Variants in ERCC6L2 observed in about 807,000 individuals in gnomAD.
ERCC6L2 encodes DNA excision repair protein ERCC-6-like 2.
ERCC6L2 carries 77 observed loss-of-function variants against 132.0 expected under a neutral mutation model. That is an observed-to-expected ratio of 0.58 (90% confidence interval 0.49 to 0.71). ERCC6L2 has a LOEUF of 0.71. ERCC6L2 is among the 30% of genes least tolerant of loss of function. The pLI is 0.00. For missense variants in ERCC6L2, 1,542 were observed against 1,837.6 expected (o/e 0.84, Z 2.94); for synonymous variants, 583 against 632.4 (o/e 0.92, Z 1.17).
At chr9:95,927,965 T>G in intron 9 of ERCC6L2, 114 bp from the exon 10 acceptor site, 6 of 615,826 alleles carry the variant, frequency 9.7e-6, no homozygotes, top group Non-Finnish European at 1.7e-5. Flanking sequence ...AAAAAATGAA[T>G]GAGGTTAGTA....
At chr9:95,917,579 A>G (rs1440216119) in intron 6 of ERCC6L2, among the ~76,000 whole-genome samples, 1 of 152,236 alleles carries the variant, frequency 6.6e-6, no homozygotes, top group African/African-American at 2.4e-5. Context: ...GAGATACTTC[A>G]TGAACTCTCA....
chr9:95,885,382 C>T (rs1007773249), intron 2 of ERCC6L2, among the ~76,000 whole-genome samples: 1 of 152,184 alleles, frequency 6.6e-6, no homozygotes, highest in Non-Finnish European at 1.5e-5. Context: ...CCTAGATTTC[C>T]TCATGTCCAT....
intron 18 of ERCC6L2, among the ~76,000 whole-genome samples, chr9:96,005,275 T>A (rs1833827403): frequency 6.6e-6 from 1 of 151,468 alleles, no homozygotes; most frequent in Non-Finnish European, 1.5e-5. Context: ...ATTGCGCCAC[T>A]GCACTCCAAC....
intron 19 of ERCC6L2, among the ~76,000 whole-genome samples, chr9:96,032,234 C>A (rs1041044492): frequency 6.6e-6 from 1 of 152,096 alleles, no homozygotes; most frequent in Non-Finnish European, 1.5e-5. Flanking sequence ...GACCCCAGAT[C>A]TGAAAAGCCA....
At chr9:95,971,850 C>A in intron 15 of ERCC6L2, 83 bp from the exon 16 acceptor site, 1 of 855,340 alleles carries the variant, frequency 1.2e-6, no homozygotes, top group Non-Finnish European at 1.6e-6. Context: ...CCTAAATTAC[C>A]TGCCCAAAGT....
chr9:95,969,736 G>A (rs1832329059), intron 14 of ERCC6L2, among the ~76,000 whole-genome samples: 1 of 152,184 alleles, frequency 6.6e-6, no homozygotes, highest in South Asian at 2.1e-4. Context: ...ACTTGCAGCA[G>A]TTCAGAAACT....
intron 17 of ERCC6L2, among the ~76,000 whole-genome samples, chr9:96,001,299 C>A (rs1833668568): frequency 6.6e-6 from 1 of 152,162 alleles, no homozygotes; most frequent in Non-Finnish European, 1.5e-5. Context: ...TGCTTTTATT[C>A]TCTTATCTGG....
exon 20 of ERCC6L2, chr9:96,038,965 G>A (rs529924939): frequency 2.6e-4 from 120 of 456,090 alleles, no homozygotes; most frequent in Non-Finnish European, 5.0e-4. Context: ...AGCCCACATG[G>A]GAAGGGACAG....
chr9:95,949,747 C>T (rs192012913), intron 12 of ERCC6L2, among the ~76,000 whole-genome samples: 103 of 152,250 alleles, frequency 6.8e-4, no homozygotes, highest in African/African-American at 2.1e-3. Flanking sequence ...CAGTGGCTCA[C>T]GCCTGTAATC....
intron 13 of ERCC6L2, among the ~76,000 whole-genome samples, chr9:95,959,257 C>T (rs371555333): frequency 0.025 from 3,714 of 150,166 alleles, 68 homozygotes; most frequent in Non-Finnish European, 0.038. Flanking sequence ...TTTGACAAAC[C>T]TGAGAAAAAC....
chr9:95,910,581 A>G (rs1478748860), intron 4 of ERCC6L2, among the ~76,000 whole-genome samples: 1 of 152,074 alleles, frequency 6.6e-6, no homozygotes, highest in South Asian at 2.1e-4. Flanking sequence ...TTATTGCAGT[A>G]TATCTGTTCT....
intron 20 of ERCC6L2, among the ~76,000 whole-genome samples, chr9:96,039,897 T>G (rs1834559317): frequency 6.6e-6 from 1 of 151,946 alleles, no homozygotes; most frequent in Non-Finnish European, 1.5e-5. Flanking sequence ...GAATCTACTA[T>G]CTGCAGGATG....
intron 2 of ERCC6L2, 22 bp downstream of exon 2, chr9:95,881,315 G>T: frequency 6.6e-7 from 1 of 1,519,938 alleles, no homozygotes; most frequent in Non-Finnish European, 8.8e-7. Flanking sequence ...TGTTATAACA[G>T]TAAAGTCACT....
chr9:96,032,375 C>T (rs1249075677), intron 19 of ERCC6L2, among the ~76,000 whole-genome samples: 2 of 152,232 alleles, frequency 1.3e-5, no homozygotes, highest in African/African-American at 2.4e-5. Flanking sequence ...CATCCTCTTC[C>T]GCAGCCTCCT....
At chr9:95,901,650 G>C (rs1828784996) in intron 3 of ERCC6L2, among the ~76,000 whole-genome samples, 1 of 152,148 alleles carries the variant, frequency 6.6e-6, no homozygotes, top group Non-Finnish European at 1.5e-5. Flanking sequence ...AGTTCTTCAG[G>C]TGTGCCAGTT....
chr9:95,982,366 A>G (rs943557005), intron 17 of ERCC6L2, among the ~76,000 whole-genome samples: 2 of 152,108 alleles, frequency 1.3e-5, no homozygotes, highest in African/African-American at 4.8e-5. Flanking sequence ...GATTTCTGTG[A>G]GCTACGGTGG....
intron 17 of ERCC6L2, among the ~76,000 whole-genome samples, chr9:95,984,690 G>T (rs571443278): frequency 6.6e-6 from 1 of 152,096 alleles, no homozygotes; most frequent in South Asian, 2.1e-4. Context: ...AGATATGTCT[G>T]ATTCATCTTT....
At chr9:96,000,533 A>G (rs7865593) in intron 17 of ERCC6L2, among the ~76,000 whole-genome samples, 114,891 of 152,192 alleles carry the variant, frequency 0.75, 44,579 homozygotes, top group African/African-American at 0.94. Flanking sequence ...CAAATGCATA[A>G]CATGTTGGCA....
chr9:96,027,017 CCACATACCCCACA>C (rs1402148846), intron 19 of ERCC6L2, among the ~76,000 whole-genome samples: 2 of 146,566 alleles, frequency 1.4e-5, no homozygotes, highest in Admixed American at 6.8e-5. Flanking sequence ...ACTACACACA[CCACATACCCCACA>C]CACATACCCA....
Sources: allele counts gnomAD v4.1 joint callset (sites outside exome capture counted in the v4.1 genomes callset), GRCh38; gene constraint gnomAD v4.1.1; transcripts MANE v1.5; gene names NCBI Gene and HGNC (gene_info 2026-07-23, HGNC 2026-07-21).